Variants in ST3GAL2 observed in about 807,000 individuals in gnomAD.
ST3GAL2 encodes the protein CMP-N-acetylneuraminate-beta-galactosamide-alpha-2,3-sialyltransferase 2.
ST3GAL2 carries 16 observed loss-of-function variants against 37.5 expected under a neutral mutation model. That is an observed-to-expected ratio of 0.43 (90% CI 0.29 to 0.65). The LOEUF (loss-of-function observed/expected upper bound fraction) is 0.65, where lower values mean the gene tolerates loss of function less well. ST3GAL2 is among the 30% of genes least tolerant of loss of function. ST3GAL2 has a pLI of 0.17. For synonymous variants in ST3GAL2, 238 were observed against 202.9 expected (o/e 1.17, Z -1.47); for missense variants, 383 against 487.8 (o/e 0.79, Z 2.02).
chr16:70,405,463 C>T (rs2047584013), intron 1 of ST3GAL2, among the ~76,000 whole-genome samples: 1 of 148,392 alleles, frequency 6.7e-6, no homozygotes, highest in Non-Finnish European at 1.5e-5. Context: ...ATGGCATGAA[C>T]CCGGGAGGCG....
intron 4 of ST3GAL2, among the ~76,000 whole-genome samples, chr16:70,386,013 G>A (rs879928080): frequency 1.3e-5 from 2 of 151,640 alleles, no homozygotes; most frequent in Admixed American, 1.3e-4. Flanking sequence ...GGCAGAACAT[G>A]AAAATTTTTT....
intron 1 of ST3GAL2, among the ~76,000 whole-genome samples, chr16:70,436,034 G>T (rs1365530494): frequency 6.6e-6 from 1 of 151,664 alleles, no homozygotes; most frequent in South Asian, 2.1e-4. Context: ...GCTGAGGCAG[G>T]AGAATAGCCT....
chr16:70,381,584 G>A lies in ST3GAL2; in HGVS notation c.*105C>T, dbSNP rs1050385342. 11 of 1,368,222 alleles carry A rather than the reference G, an allele frequency of 8.0e-6. No homozygotes were observed. Among genetic ancestry groups the A allele is most frequent in the Non-Finnish European group, 9.8e-6 (10 of 1,021,056 alleles). The allele number at this position is 1,368,222 out of a possible 1,614,324, so 84.8% of individuals were successfully genotyped here. ...TCGTGATTGGCGGGGCACAGCAGAC[G>A]CCCCTGGGCTGCAGCATGATTGGTC... is the stretch of plus-strand genomic sequence containing the variant. On this transcript the variant is annotated 3_prime_UTR_variant, in exon 7 of 7. Coordinates refer to ENST00000342907, the MANE Select transcript of ST3GAL2 (RefSeq NM_006927.4).
chr16:70,416,565 T>C (rs2047677954), intron 1 of ST3GAL2, among the ~76,000 whole-genome samples: 2 of 152,194 alleles, frequency 1.3e-5, no homozygotes. Context: ...ATCATCTCTC[T>C]ACATAAGCCC....
At chr16:70,425,170 A>G (rs1208399561) in intron 1 of ST3GAL2, among the ~76,000 whole-genome samples, 1 of 151,968 alleles carries the variant, frequency 6.6e-6, no homozygotes, top group Non-Finnish European at 1.5e-5. Flanking sequence ...AACATAAAAA[A>G]AAAGTGATAG....
At position 70,379,150 on chromosome 16, in the gene ST3GAL2, G is replaced by T. The variant is rs1426610055; in HGVS notation, c.*2539C>A. 6.6e-6 allele frequency: 1 copy of T among 152,218 alleles called. No homozygotes were observed. The highest frequency in any genetic ancestry group is 1.9e-4 in the East Asian group (1 of 5,202). 9.4% of individuals were successfully genotyped at this position (152,218 alleles called of 1,614,324 possible). A position where few individuals can be genotyped will look rare whatever the true frequency, so the allele number is the denominator to read the frequency against. On this transcript the variant is annotated 3_prime_UTR_variant, in exon 7 of 7. Coordinates refer to ENST00000342907, the MANE Select transcript of ST3GAL2 (RefSeq NM_006927.4). ...CAGCCCAGCCTGTGGCCACCCAAATGTATCGGAGCCTGATGGATACCTGGA... is the reference window on the plus strand; with the variant it reads ...CAGCCCAGCCTGTGGCCACCCAAATTTATCGGAGCCTGATGGATACCTGGA...
At position 70,379,796 on chromosome 16, in the gene ST3GAL2, A is replaced by ATT. The variant is rs11438171; in HGVS notation, c.*1891_*1892dup. On this transcript the variant is annotated 3_prime_UTR_variant, in exon 7 of 7. Coordinates refer to ENST00000342907, the MANE Select transcript of ST3GAL2 (RefSeq NM_006927.4). ...ACCACTGCGCCTGGCTAATTTTTGT[A>ATT]TTTTTTTTTTTTTTTGGTAGAGACG... 3,712 of 138,034 alleles carry ATT rather than the reference A, an allele frequency of 0.027. 83 individuals carry two copies. The highest frequency in any genetic ancestry group is 0.077 in the Middle Eastern group (20 of 260). The allele number at this position is 138,034 out of a possible 1,614,324, so 8.6% of individuals were successfully genotyped here.
rs572481482 is a variant in ST3GAL2 at position 70,434,913 on chromosome 16, G to A, written c.-1004+4036C>T. Reference sequence around the variant, plus strand: ...TCCACTGACCTGTAAAACAACAGTTGGAAAATGCTTTGCAAAGCACAATGT... The same window carrying A: ...TCCACTGACCTGTAAAACAACAGTTAGAAAATGCTTTGCAAAGCACAATGT... On this transcript the variant is annotated intron_variant, in intron 1 of 6. Coordinates refer to ENST00000342907, the MANE Select transcript of ST3GAL2 (RefSeq NM_006927.4). 2.0e-5 allele frequency among the ~76,000 whole-genome samples: 3 copies of A among 152,286 alleles called. No individual in the cohort carries two copies. The South Asian group carries it at 6.2e-4, about 32-fold the overall frequency.
intron 1 of ST3GAL2, among the ~76,000 whole-genome samples, chr16:70,427,126 G>A (rs756947033): frequency 2.2e-4 from 34 of 152,100 alleles, no homozygotes; most frequent in Non-Finnish European, 4.3e-4. Context: ...TGAGATTACA[G>A]ACACAAGCCA....
chr16:70,410,895 T>A (rs531189380), intron 1 of ST3GAL2, among the ~76,000 whole-genome samples: 6 of 151,600 alleles, frequency 4.0e-5, no homozygotes, highest in Non-Finnish European at 8.8e-5. Context: ...CTTTTTCGCT[T>A]GCCAACAGAA....
chr16:70,435,322 G>A (rs1407650100), intron 1 of ST3GAL2, among the ~76,000 whole-genome samples: 4 of 152,116 alleles, frequency 2.6e-5, no homozygotes, highest in East Asian at 1.9e-4. Flanking sequence ...CTGGCTGGGC[G>A]CAGTGGTTCA....
intron 1 of ST3GAL2, among the ~76,000 whole-genome samples, chr16:70,408,782 A>C (rs1170457456): frequency 6.6e-6 from 1 of 151,622 alleles, no homozygotes; most frequent in Non-Finnish European, 1.5e-5. Context: ...CAAGAGCATA[A>C]CTTTGGCTTT....
chr16:70,388,574 A>C (rs2047459042), intron 3 of ST3GAL2, 28 bp from the exon 4 acceptor site: 2 of 1,535,702 alleles, frequency 1.3e-6, no homozygotes, highest in Non-Finnish European at 1.8e-6. Context: ...TGACATGAGA[A>C]TCAACTGCCA....
intron 1 of ST3GAL2, among the ~76,000 whole-genome samples, chr16:70,436,568 G>A (rs890444031): frequency 6.6e-6 from 1 of 151,646 alleles, no homozygotes; most frequent in African/African-American, 2.4e-5. Flanking sequence ...GCTGGAGAGA[G>A]ATGCAAAATA....
intron 1 of ST3GAL2, among the ~76,000 whole-genome samples, chr16:70,408,890 C>CAAACAAAAAAAAAA (rs2047613068): frequency 5.0e-5 from 3 of 59,854 alleles, no homozygotes; most frequent in Non-Finnish European, 1.1e-4. Flanking sequence ...CTCAAAGAAA[C>CAAACAAAAAAAAAA]AAAAAAAAAA....
intron 4 of ST3GAL2, among the ~76,000 whole-genome samples, chr16:70,384,011 C>G (rs1048877521): frequency 6.6e-6 from 1 of 152,080 alleles, no homozygotes; most frequent in Non-Finnish European, 1.5e-5. Context: ...TCCCAGACCA[C>G]ACCTCCCTGT....
chr16:70,383,644 G>T (rs1290296886), intron 4 of ST3GAL2, among the ~76,000 whole-genome samples: 1 of 151,206 alleles, frequency 6.6e-6, no homozygotes, highest in Non-Finnish European at 1.5e-5. Context: ...GAAGGGAAAG[G>T]AGAAAGGAAA....
intron 1 of ST3GAL2, among the ~76,000 whole-genome samples, chr16:70,406,247 C>T (rs1474702127): frequency 6.6e-6 from 1 of 152,186 alleles, no homozygotes; most frequent in Admixed American, 6.5e-5. Context: ...AGTTCAAGAT[C>T]GGCCTGGCCA....
intron 1 of ST3GAL2, among the ~76,000 whole-genome samples, chr16:70,436,179 G>T (rs4548852): frequency 1.4e-5 from 2 of 146,346 alleles, no homozygotes; most frequent in African/African-American, 2.5e-5. Context: ...TGTAATCCCA[G>T]CACTTTGGGA....
Sources: gnomAD v4.1 joint callset for allele counts (sites outside exome capture counted in the v4.1 genomes callset) on GRCh38, gnomAD v4.1.1 for gene constraint, MANE v1.5 for transcripts, NCBI Gene and HGNC (gene_info 2026-07-23, HGNC 2026-07-21) for gene names.